The following PCDHA5 variants were observed in gnomAD, a reference collection of about 807,000 sequenced individuals.
PCDHA5 encodes protocadherin alpha 5.
PCDHA5 carries 43 observed loss-of-function variants against 61.6 expected under a neutral mutation model. That is an observed-to-expected ratio of 0.70 (90% CI 0.55 to 0.90). The LOEUF (loss-of-function observed/expected upper bound fraction) is 0.90. PCDHA5 is among the 40% of genes least tolerant of loss of function. PCDHA5 has a pLI of 0.00. For missense variants in PCDHA5, 1,298 were observed against 1,222.7 expected (o/e 1.06, Z -0.92); for synonymous variants, 627 against 543.9 (o/e 1.15, Z -2.13).
chr5:140,968,317 A>G (rs144335538), intron 1 of PCDHA5: 1 of 1,613,890 alleles, frequency 6.2e-7, no homozygotes, highest in African/African-American at 1.3e-5. Context: ...AAGGGCTGCC[A>G]GTCACCTCCT....
chr5:140,862,637 TCA>T (rs1396343286), intron 1 of PCDHA5: 1 of 539,612 alleles, frequency 1.9e-6, no homozygotes, highest in Admixed American at 1.9e-5. Flanking sequence ...TGCCACGACT[TCA>T]CAGTGTCCGC....
intron 1 of PCDHA5, chr5:140,884,206 C>A: frequency 6.2e-7 from 1 of 1,613,542 alleles, no homozygotes; most frequent in Admixed American, 1.7e-5. Flanking sequence ...CGCACCACCG[C>A]CTTCTGGTGC....
intron 1 of PCDHA5, chr5:140,836,221 C>A (rs2150255716): frequency 1.2e-6 from 2 of 1,613,684 alleles, no homozygotes; most frequent in Non-Finnish European, 1.7e-6. Context: ...GAGTTGCAAC[C>A]GGTGGCGGCC....
rs1236098574 is a variant in PCDHA5 at position 140,852,665 on chromosome 5, C to T, written c.2352+28538C>T. The T allele has an allele frequency of 2.1e-6, 2 of 964,268 alleles. 1 individual carries two copies. The highest frequency in any genetic ancestry group is 3.6e-5 in the African/African-American group (2 of 55,886). 59.7% of individuals were successfully genotyped at this position (964,268 alleles called of 1,614,324 possible). A position where few individuals can be genotyped will look rare whatever the true frequency, so the allele number is the denominator to read the frequency against. Reference sequence around the variant, plus strand: ...AAACCTATCTATATCTGTCTATCAGCACAACTCACCTTGAATATAGTCTTA... The same window carrying T: ...AAACCTATCTATATCTGTCTATCAGTACAACTCACCTTGAATATAGTCTTA... On this transcript the variant is annotated intron_variant, in intron 1 of 3. Transcript: ENST00000529859.
At chr5:140,858,424 C>A in intron 1 of PCDHA5, 1 of 1,553,410 alleles carries the variant, frequency 6.4e-7, no homozygotes, top group Non-Finnish European at 8.8e-7. Flanking sequence ...TTGGAGGGGA[C>A]CACTCTAGGA....
At position 140,877,853 on chromosome 5, in the gene PCDHA5, A is replaced by G. The variant is rs1299590962; in HGVS notation, c.2352+53726A>G. On this transcript the variant is annotated intron_variant, in intron 1 of 3. Transcript: ENST00000529859. ...CCTCCCAGTGAAGTAAGTTATTAAT[A>G]TTATTTAGATATATTTGTTTCCTTG... 2.0e-6 allele frequency: 3 copies of G among 1,535,406 alleles called. No homozygotes were observed. The East Asian group carries it at 7.1e-5, about 36-fold the overall frequency.
chr5:140,862,809 G>C (rs782185253), intron 1 of PCDHA5: 2 of 572,722 alleles, frequency 3.5e-6, no homozygotes, highest in South Asian at 1.4e-5. Context: ...AGCTGCTGCA[G>C]TTCTAGGTGA....
chr5:140,982,221 A>T, intron 2 of PCDHA5: 1 of 546,340 alleles, frequency 1.8e-6, no homozygotes. Flanking sequence ...ACATGGCGTT[A>T]ATAAAAAACA....
chr5:140,954,909 T>C (rs1309101151), intron 1 of PCDHA5, among the ~76,000 whole-genome samples: 3 of 152,164 alleles, frequency 2.0e-5, no homozygotes, highest in Admixed American at 6.5e-5. Flanking sequence ...TTTCATACTT[T>C]TATGAATTAC....
At chr5:141,000,950 T>C (rs781867970) in intron 3 of PCDHA5, among the ~76,000 whole-genome samples, 2 of 152,214 alleles carry the variant, frequency 1.3e-5, no homozygotes, top group Non-Finnish European at 2.9e-5. Flanking sequence ...ATTATCTTGC[T>C]GTAATTTAAG....
intron 3 of PCDHA5, among the ~76,000 whole-genome samples, chr5:140,999,585 G>C (rs1240906342): frequency 6.6e-6 from 1 of 152,152 alleles, no homozygotes; most frequent in Non-Finnish European, 1.5e-5. Flanking sequence ...AAGGGAAATT[G>C]CCTTCCCTAC....
chr5:140,949,050 T>C lies in PCDHA5; in HGVS notation c.2353-29899T>C, dbSNP rs561017467. 5.3e-5 allele frequency among the ~76,000 whole-genome samples: 8 copies of C among 151,896 alleles called. No homozygotes were observed. The East Asian group carries it at 1.5e-3, about 29-fold the overall frequency. On this transcript the variant is annotated intron_variant, in intron 1 of 3. Coordinates refer to ENST00000529859, the MANE Select transcript of PCDHA5 (RefSeq NM_018908.3). ...TATTCATTTAAAAGTATGTTCTAAT[T>C]TCCATTATGATTTAACTCTTTCACC...
chr5:140,985,739 CTTTTTTT>C (rs11372071), intron 3 of PCDHA5, among the ~76,000 whole-genome samples: 2 of 117,922 alleles, frequency 1.7e-5, no homozygotes, highest in African/African-American at 6.4e-5. Flanking sequence ...TGATGAATTC[CTTTTTTT>C]TTTTTTTTTT....
chr5:140,821,951 T>C lies in PCDHA5; in HGVS notation c.176T>C (p.Val59Ala). ...QDLGLELAEL[V>A]PRLFRVASKG... ...CTAGGGCTGGAGCTGGCGGAGCTGGTGCCGCGCCTGTTCCGGGTGGCGTCC... is the reference window on the plus strand; with the variant it reads ...CTAGGGCTGGAGCTGGCGGAGCTGGCGCCGCGCCTGTTCCGGGTGGCGTCC... The change falls in exon 1 of 4, where the codon GTG (valine) becomes GCG (alanine). Residue 59 changes from valine (V) to alanine (A), a missense_variant. Physicochemically the swap from Val to Ala is moderately conservative, Grantham distance 64. Transcript: ENST00000529859. The C allele has an allele frequency of 1.2e-6, 2 of 1,614,172 alleles. No individual in the cohort carries two copies. Among genetic ancestry groups the C allele is most frequent in the East Asian group, 4.5e-5 (2 of 44,886 alleles).
Position 140,845,283 on chromosome 5 carries a change from C to G in PCDHA5, c.2352+21156C>G, listed in dbSNP as rs1279149286. ...TTTTCCTTTGTGAAAGTAATATTTC[C>G]TATCCTGTCTATGTCTACCTGGTTC... On this transcript the variant is annotated intron_variant, in intron 1 of 3. Coordinates refer to ENST00000529859, the MANE Select transcript of PCDHA5 (RefSeq NM_018908.3). Among the ~76,000 whole-genome samples, 6 of 149,008 alleles carry G rather than the reference C, an allele frequency of 4.0e-5. No individual in the cohort carries two copies. The South Asian group carries it at 1.1e-3, about 26-fold the overall frequency.
chr5:140,876,228 T>G (rs1196218506), intron 1 of PCDHA5: 6 of 1,613,958 alleles, frequency 3.7e-6, no homozygotes, highest in Non-Finnish European at 5.1e-6. Flanking sequence ...TAGTGTTGTC[T>G]GAAAATGTCC....
At chr5:140,921,943 T>C (rs2080514176) in intron 1 of PCDHA5, among the ~76,000 whole-genome samples, 1 of 151,972 alleles carries the variant, frequency 6.6e-6, no homozygotes, top group South Asian at 2.1e-4. Context: ...AATTTTACAC[T>C]TGTAAAATCC....
At chr5:140,996,296 T>C (rs1252218880) in intron 3 of PCDHA5, among the ~76,000 whole-genome samples, 1 of 152,158 alleles carries the variant, frequency 6.6e-6, no homozygotes, top group African/African-American at 2.4e-5. Context: ...GAAGCACAGA[T>C]TGTAACAAAG....
At chr5:140,862,934 G>A (rs1050739882) in intron 1 of PCDHA5, 1 of 542,302 alleles carries the variant, frequency 1.8e-6, no homozygotes, top group South Asian at 1.4e-5. Context: ...TGGCGGCGCT[G>A]TGAGTGAGCT....
Sources: allele counts gnomAD v4.1 joint callset (sites outside exome capture counted in the v4.1 genomes callset), GRCh38; gene constraint gnomAD v4.1.1; transcripts MANE v1.5; gene names NCBI Gene and HGNC (gene_info 2026-07-23, HGNC 2026-07-21).